The following DENND1B variants were observed in gnomAD, a reference collection of about 807,000 sequenced individuals.
DENND1B encodes the protein DENN domain containing 1B.
A neutral mutation model predicts 90.1 loss-of-function variants in DENND1B; 59 were observed. The observed-to-expected ratio is 0.65, with a 90% CI of 0.53 to 0.81. DENND1B has a LOEUF of 0.81. Ranked by LOEUF, DENND1B falls within the 40% of genes least tolerant of loss-of-function variation. The probability of loss-of-function intolerance (pLI) is 0.00; values close to 1 mark genes in which losing one functional copy is unlikely to be tolerated. For synonymous variants in DENND1B, 337 were observed against 324.6 expected (o/e 1.04, Z -0.41); for missense variants, 862 against 912.6 (o/e 0.94, Z 0.71).
At chr1:197,524,764 G>C (rs1020793071) in intron 20 of DENND1B, among the ~76,000 whole-genome samples, 10 of 152,122 alleles carry the variant, frequency 6.6e-5, no homozygotes, top group African/African-American at 2.4e-4. Context: ...AACTGAATTA[G>C]ACAGACTCTC....
chr1:197,643,772 CAT>C (rs1194038847), intron 9 of DENND1B, among the ~76,000 whole-genome samples: 3 of 152,200 alleles, frequency 2.0e-5, no homozygotes, highest in Non-Finnish European at 4.4e-5. Flanking sequence ...TTATCCCCCA[CAT>C]GAGAATGAAA....
At chr1:197,640,848 T>C (rs1040528467) in intron 10 of DENND1B, among the ~76,000 whole-genome samples, 18 of 152,170 alleles carry the variant, frequency 1.2e-4, no homozygotes, top group South Asian at 4.1e-4. Flanking sequence ...GGCGTGTGCC[T>C]ATAGTCCCAG....
At chr1:197,545,668 C>T (rs1239365594) in intron 18 of DENND1B, 1 of 363,240 alleles carries the variant, frequency 2.8e-6, no homozygotes, top group East Asian at 5.0e-5. Context: ...ATAACTGTTT[C>T]AATTTGCTGC....
chr1:197,738,932 G>A (rs1662962547), intron 2 of DENND1B, among the ~76,000 whole-genome samples: 1 of 152,218 alleles, frequency 6.6e-6, no homozygotes, highest in Non-Finnish European at 1.5e-5. Context: ...TGGTCTTCCT[G>A]AGATGAGGTT....
At chr1:197,684,384 A>AT (rs909843521) in intron 3 of DENND1B, among the ~76,000 whole-genome samples, 2 of 152,156 alleles carry the variant, frequency 1.3e-5, no homozygotes, top group Non-Finnish European at 2.9e-5. Context: ...AACCCTATGT[A>AT]TTTTTTTACA....
chr1:197,587,096 T>A (rs1674766669), intron 14 of DENND1B, among the ~76,000 whole-genome samples: 1 of 152,170 alleles, frequency 6.6e-6, no homozygotes, highest in Non-Finnish European at 1.5e-5. Context: ...TAGAAACTCG[T>A]GTTAGGAAAA....
At chr1:197,589,917 C>A (rs1276843306) in intron 14 of DENND1B, among the ~76,000 whole-genome samples, 1 of 152,120 alleles carries the variant, frequency 6.6e-6, no homozygotes, top group Non-Finnish European at 1.5e-5. Context: ...TCAAGTATGT[C>A]TTTGAATATA....
At position 197,510,799 on chromosome 1, in the gene DENND1B, C is replaced by G; in HGVS notation, c.1989G>C (p.Leu663=). 6.2e-7 allele frequency: 1 copy of G among 1,612,210 alleles called. No individual in the cohort carries two copies. Among genetic ancestry groups the G allele is most frequent in the African/African-American group, 1.3e-5 (1 of 74,824 alleles). The change falls in exon 23 of 23, where the codon CTG becomes CTC. Residue 663 remains leucine (L), a synonymous_variant. Transcript: ENST00000620048. ...GGTGCTTGTTACTGTTTTCCTCTTT[C>G]AGGATAAACAGAGAATCTGTCAAAC... is the stretch of plus-strand genomic sequence containing the variant. The part of the protein sequence containing the change: ...SSGLTDSLFI[L]KEENSNKHLG...
intron 10 of DENND1B, among the ~76,000 whole-genome samples, chr1:197,623,972 AAG>A (rs1678410819): frequency 2.0e-5 from 3 of 151,620 alleles, no homozygotes; most frequent in African/African-American, 7.3e-5. Flanking sequence ...CATGGGTAGG[AAG>A]ACTCAATACT....
intron 15 of DENND1B, among the ~76,000 whole-genome samples, chr1:197,564,395 C>CAAAAAAAAAAAAAAAAAAAAAAA (rs71131780): frequency 1.6e-5 from 1 of 63,156 alleles, no homozygotes; most frequent in Non-Finnish European, 2.7e-5. Context: ...CCTCCACCAG[C>CAAAAAAAAAAAAAAAAAAAAAAA]AAAAAAAAAA....
intron 2 of DENND1B, chr1:197,735,307 T>A: frequency 8.1e-7 from 1 of 1,239,788 alleles, no homozygotes; most frequent in South Asian, 1.7e-5. Flanking sequence ...CTACTATACC[T>A]CTGCTTCAAG....
chr1:197,771,491 C>T (rs1054292723), intron 2 of DENND1B, among the ~76,000 whole-genome samples: 1 of 152,178 alleles, frequency 6.6e-6, no homozygotes, highest in Admixed American at 6.5e-5. Flanking sequence ...AACCTAGGAT[C>T]ACTCCTTGCC....
chr1:197,779,608 A>C (rs193104629), upstream of DENND1B, among the ~76,000 whole-genome samples: 173 of 152,094 alleles, frequency 1.1e-3, no homozygotes, highest in African/African-American at 4.0e-3. Flanking sequence ...AATTTCAAAA[A>C]TATTCTGTTC....
rs1571676762 is a variant in DENND1B, at chr1:197,510,200, A to G, written c.*260T>C. Reference sequence around the variant, plus strand: ...AATAAAATAAACGGCATTAAGCACCAAACACTGGGAAATCTCATGGTCAAT... The same window carrying G: ...AATAAAATAAACGGCATTAAGCACCGAACACTGGGAAATCTCATGGTCAAT... On this transcript the variant is annotated 3_prime_UTR_variant, in exon 23 of 23. Transcript: ENST00000620048. The G allele has an allele frequency of 6.8e-6, 3 of 439,268 alleles. No homozygotes were observed. The East Asian group carries it at 1.2e-4, about 18-fold the overall frequency. The allele number at this position is 439,268 out of a possible 1,614,324, so 27.2% of individuals were successfully genotyped here.
At chr1:197,764,028 A>G (rs1655409804) in intron 2 of DENND1B, among the ~76,000 whole-genome samples, 1 of 152,246 alleles carries the variant, frequency 6.6e-6, no homozygotes, top group African/African-American at 2.4e-5. Context: ...TATCACAACA[A>G]TTCTGGTCAA....
intron 9 of DENND1B, among the ~76,000 whole-genome samples, chr1:197,643,023 T>C (rs1388894788): frequency 6.6e-6 from 1 of 152,164 alleles, no homozygotes; most frequent in Non-Finnish European, 1.5e-5. Flanking sequence ...ATAACCCTAC[T>C]CAAGGTAAGT....
intron 2 of DENND1B, among the ~76,000 whole-genome samples, chr1:197,764,293 T>C (rs369992209): frequency 2.0e-5 from 3 of 152,098 alleles, no homozygotes; most frequent in East Asian, 3.8e-4. Context: ...TGAAGACAAA[T>C]GGAAGATGTA....
Position 197,557,781 on chromosome 1 carries a change from A to AT in DENND1B, c.1150-4670dup, listed in dbSNP as rs200712466. ...TTTCTATTTTTATTCAATAACAGCTATTTTTCCCCCAAGTGGAGTTGGTTC... is the reference window on the plus strand; with the variant it reads ...TTTCTATTTTTATTCAATAACAGCTATTTTTTCCCCCAAGTGGAGTTGGTTC... On this transcript the variant is annotated intron_variant, in intron 15 of 22. Transcript: ENST00000620048. Among the ~76,000 whole-genome samples, 849 of 151,906 alleles carry AT rather than the reference A, an allele frequency of 5.6e-3. 4 individuals are homozygous for AT. The highest frequency in any genetic ancestry group is 0.01 in the Middle Eastern group (3 of 294).
chr1:197,686,699 G>GT (rs1657267594), intron 3 of DENND1B, among the ~76,000 whole-genome samples: 1 of 151,632 alleles, frequency 6.6e-6, no homozygotes, highest in Non-Finnish European at 1.5e-5. Context: ...CCACTGAAAA[G>GT]TATCTTCCTA....
Sources: allele counts gnomAD v4.1 joint callset (sites outside exome capture counted in the v4.1 genomes callset), GRCh38; gene constraint gnomAD v4.1.1; transcripts MANE v1.5; gene names NCBI Gene and HGNC (gene_info 2026-07-23, HGNC 2026-07-21).